The following SH3GL2 variants were observed in gnomAD, a reference collection of about 807,000 sequenced individuals.
The protein encoded by SH3GL2 is SH3 domain containing GRB2 like 2, endophilin A1, also known as endophilin-A1.
A neutral mutation model predicts 46.0 loss-of-function variants in SH3GL2; 24 were observed. The ratio of observed to expected loss-of-function variants is 0.52; its 90% CI spans 0.38 to 0.73. The LOEUF (loss-of-function observed/expected upper bound fraction) is 0.73. SH3GL2 is among the 30% of genes least tolerant of loss of function. The pLI is 0.00. For missense variants in SH3GL2, 413 were observed against 424.2 expected (o/e 0.97, Z 0.23); for synonymous variants, 196 against 147.1 (o/e 1.33, Z -2.40).
At chr9:17,599,763 G>C (rs1427209766) in intron 1 of SH3GL2, among the ~76,000 whole-genome samples, 7 of 152,154 alleles carry the variant, frequency 4.6e-5, no homozygotes, top group South Asian at 4.2e-4. Context: ...CTTTTGGATG[G>C]GTGGTGATTT....
At chr9:17,714,856 G>T (rs1821712450) in intron 1 of SH3GL2, among the ~76,000 whole-genome samples, 1 of 151,202 alleles carries the variant, frequency 6.6e-6, no homozygotes, top group Non-Finnish European at 1.5e-5. Context: ...TTTTCATCTG[G>T]TATCATTTGT....
chr9:17,606,298 G>A (rs569266823), intron 1 of SH3GL2, among the ~76,000 whole-genome samples: 3 of 152,134 alleles, frequency 2.0e-5, no homozygotes, highest in South Asian at 2.1e-4. Context: ...TCACCATCTC[G>A]GTCAGGCTGG....
At chr9:17,711,319 A>C (rs1441242579) in intron 1 of SH3GL2, among the ~76,000 whole-genome samples, 1 of 151,866 alleles carries the variant, frequency 6.6e-6, no homozygotes, top group East Asian at 1.9e-4. Flanking sequence ...TTATTGTGGC[A>C]TTCTTCACTA....
At chr9:17,790,132 G>A (rs570591676) in intron 6 of SH3GL2, among the ~76,000 whole-genome samples, 5 of 151,300 alleles carry the variant, frequency 3.3e-5, no homozygotes, top group East Asian at 1.9e-4. Flanking sequence ...AGACAGGAGC[G>A]TATGGGTGTC....
intron 3 of SH3GL2, among the ~76,000 whole-genome samples, chr9:17,774,551 GTT>G (rs71333008): frequency 2.7e-5 from 4 of 147,572 alleles, no homozygotes; most frequent in Non-Finnish European, 6.0e-5. Flanking sequence ...CGTGTGTGTG[GTT>G]TTTTTTTTTA....
chr9:17,791,485 G>T, intron 7 of SH3GL2, 151 bp downstream of exon 7: 1 of 611,918 alleles, frequency 1.6e-6, no homozygotes, highest in Non-Finnish European at 3.0e-6. Context: ...TTTTGATTTT[G>T]TTTTTTCTTG....
intron 2 of SH3GL2, among the ~76,000 whole-genome samples, chr9:17,756,197 CA>C (rs1822983680): frequency 6.6e-6 from 1 of 151,724 alleles, no homozygotes; most frequent in African/African-American, 2.4e-5. Flanking sequence ...TTATTTTGTG[CA>C]GTAAAATAGT....
At chr9:17,620,941 C>A (rs550838688) in intron 1 of SH3GL2, among the ~76,000 whole-genome samples, 1 of 152,218 alleles carries the variant, frequency 6.6e-6, no homozygotes, top group African/African-American at 2.4e-5. Flanking sequence ...ACCAAATATA[C>A]CCTGGTAGTT....
At chr9:17,710,628 T>C (rs184475299) in intron 1 of SH3GL2, among the ~76,000 whole-genome samples, 1 of 152,156 alleles carries the variant, frequency 6.6e-6, no homozygotes, top group East Asian at 1.9e-4. Context: ...TTATTCATGA[T>C]AGTCAAAAGG....
At chr9:17,702,587 A>G (rs1821365836) in intron 1 of SH3GL2, among the ~76,000 whole-genome samples, 1 of 152,110 alleles carries the variant, frequency 6.6e-6, no homozygotes, top group Non-Finnish European at 1.5e-5. Context: ...TTTTGAAGGT[A>G]ATCCTTGCTT....
At chr9:17,642,341 T>C (rs2134646236) in intron 1 of SH3GL2, among the ~76,000 whole-genome samples, 1 of 152,364 alleles carries the variant, frequency 6.6e-6, no homozygotes. Flanking sequence ...TTTCTTTTGC[T>C]GTGCAGAAGC....
intron 1 of SH3GL2, among the ~76,000 whole-genome samples, chr9:17,662,324 G>A (rs946888105): frequency 1.2e-4 from 18 of 152,210 alleles, no homozygotes; most frequent in Non-Finnish European, 2.9e-5. Context: ...AGAGTGGTCA[G>A]CATAGTATAG....
chr9:17,688,618 G>A (rs1820990027), intron 1 of SH3GL2, among the ~76,000 whole-genome samples: 1 of 151,982 alleles, frequency 6.6e-6, no homozygotes, highest in Admixed American at 6.6e-5. Context: ...TGAGCCTGGA[G>A]CATTTTGTAG....
chr9:17,776,280 T>A (rs1173160946), intron 3 of SH3GL2, among the ~76,000 whole-genome samples: 1 of 152,098 alleles, frequency 6.6e-6, no homozygotes, highest in Non-Finnish European at 1.5e-5. Context: ...AATGAAACTT[T>A]AAAAAAAGCA....
intron 1 of SH3GL2, among the ~76,000 whole-genome samples, chr9:17,717,132 A>G (rs1014295952): frequency 6.6e-6 from 1 of 152,044 alleles, no homozygotes; most frequent in Non-Finnish European, 1.5e-5. Context: ...TCCTATTTCT[A>G]CCAATTACCA....
intron 5 of SH3GL2, 151 bp from the exon 6 acceptor site, chr9:17,789,241 G>A (rs926719212): frequency 1.2e-5 from 7 of 603,728 alleles, no homozygotes; most frequent in Non-Finnish European, 2.1e-5. Context: ...TGGCCCCATT[G>A]ATGCATGTTT....
At chr9:17,736,527 G>T (rs1308116768) in intron 1 of SH3GL2, among the ~76,000 whole-genome samples, 1 of 152,008 alleles carries the variant, frequency 6.6e-6, no homozygotes, top group Non-Finnish European at 1.5e-5. Context: ...ATTTATTATT[G>T]TATCTGTGAG....
intron 2 of SH3GL2, among the ~76,000 whole-genome samples, chr9:17,752,292 T>G (rs1822869353): frequency 1.3e-5 from 2 of 152,188 alleles, no homozygotes; most frequent in South Asian, 4.1e-4. Flanking sequence ...ATTGAGCTGT[T>G]CTTGTTCAGG....
At chr9:17,758,561 CAAAAAAAAAAAA>C (rs57019804) in intron 2 of SH3GL2, among the ~76,000 whole-genome samples, 1,548 of 29,248 alleles carry the variant, frequency 0.053, 48 homozygotes, top group African/African-American at 0.098. Context: ...GACCCTGTCT[CAAAAAAAAAAAA>C]AAAAAAAAAA....
Sources: allele counts gnomAD v4.1 joint callset (sites outside exome capture counted in the v4.1 genomes callset), GRCh38; gene constraint gnomAD v4.1.1; transcripts MANE v1.5; gene names NCBI Gene and HGNC (gene_info 2026-07-23, HGNC 2026-07-21).